CEP162: variants seen among roughly 807,000 people sequenced by gnomAD.
The protein encoded by CEP162 is centrosomal protein 162.
In CEP162, 141 loss-of-function variants were observed where a neutral mutation model predicts 169.2. That is an observed-to-expected ratio of 0.83 (90% CI 0.73 to 0.96). The LOEUF is 0.96. Among genes scored for constraint, CEP162 ranks in the 40% least tolerant of loss-of-function variants. CEP162 has a pLI of 0.00. For missense variants in CEP162, 1,600 were observed against 1,587.2 expected (o/e 1.01, Z -0.14); for synonymous variants, 540 against 526.4 (o/e 1.03, Z -0.35).
At chr6:84,212,039 G>GA (rs144840389) in intron 6 of CEP162, among the ~76,000 whole-genome samples, 6,460 of 148,492 alleles carry the variant, frequency 0.044, 501 homozygotes, top group African/African-American at 0.15. Flanking sequence ...CTGCCCGAAG[G>GA]AAAAAAAAAC....
chr6:84,179,476 T>C (rs1466019664), intron 13 of CEP162, among the ~76,000 whole-genome samples: 1 of 152,188 alleles, frequency 6.6e-6, no homozygotes, highest in Admixed American at 6.5e-5. Flanking sequence ...GAAGTGTCTG[T>C]TCATATCCTT....
chr6:84,175,501 A>G (rs1377986426), intron 13 of CEP162, among the ~76,000 whole-genome samples, 154 bp from the exon 14 acceptor site: 2 of 152,236 alleles, frequency 1.3e-5, no homozygotes, highest in Non-Finnish European at 2.9e-5. Flanking sequence ...CTGTTTCACT[A>G]TAACTGATTG....
intron 25 of CEP162, among the ~76,000 whole-genome samples, chr6:84,142,658 C>T (rs2099517152): frequency 6.6e-6 from 1 of 152,092 alleles, no homozygotes; most frequent in Admixed American, 6.6e-5. Flanking sequence ...TCAGAGTTGT[C>T]AACAGTAAGT....
rs116472426 is a variant in CEP162 at position 84,198,085 on chromosome 6, C to T, written c.835+2704G>A. Among the ~76,000 whole-genome samples the T allele has an allele frequency of 3.4e-3, 519 of 152,066 alleles. 3 individuals carry two copies. Among genetic ancestry groups the T allele is most frequent in the African/African-American group, 0.011 (477 of 41,500 alleles). On this transcript the variant is annotated intron_variant, in intron 9 of 26. Transcript: ENST00000403245. ...CACAAATAATTTCATAAATAATATT[C>T]TTAACAAAAGAGAATCTTTGACAAT...
intron 7 of CEP162, among the ~76,000 whole-genome samples, chr6:84,203,470 G>A (rs749076784): frequency 4.6e-5 from 7 of 152,078 alleles, no homozygotes; most frequent in Non-Finnish European, 7.4e-5. Context: ...GTTTGAGACA[G>A]GGTCTCACTC....
chr6:84,204,665 A>G (rs2099546003), intron 6 of CEP162, among the ~76,000 whole-genome samples: 1 of 152,226 alleles, frequency 6.6e-6, no homozygotes, highest in Non-Finnish European at 1.5e-5. Context: ...CACAATTAAA[A>G]GAACTAGAGA....
intron 21 of CEP162, among the ~76,000 whole-genome samples, chr6:84,160,571 G>T (rs995504345): frequency 3.3e-5 from 5 of 151,984 alleles, no homozygotes; most frequent in Non-Finnish European, 5.9e-5. Flanking sequence ...ATAGAGCTAG[G>T]GTACCAAATA....
intron 25 of CEP162, among the ~76,000 whole-genome samples, chr6:84,142,438 T>C (rs893422823): frequency 2.0e-5 from 3 of 152,200 alleles, no homozygotes; most frequent in Admixed American, 6.5e-5. Flanking sequence ...ACATTTTTTT[T>C]CTACCTTTGG....
chr6:84,215,494 T>C, intron 4 of CEP162, 29 bp from the exon 5 acceptor site: 2 of 1,467,480 alleles, frequency 1.4e-6, no homozygotes. Context: ...TATATTTTAG[T>C]AATATACAGA....
At chr6:84,134,577 C>A (rs62449279) in intron 25 of CEP162, among the ~76,000 whole-genome samples, 1 of 152,124 alleles carries the variant, frequency 6.6e-6, no homozygotes, top group Non-Finnish European at 1.5e-5. Flanking sequence ...CAGTCCCTCA[C>A]GGCTTCCCTT....
chr6:84,129,533 G>GT (rs1209066570), intron 25 of CEP162, among the ~76,000 whole-genome samples: 3 of 151,702 alleles, frequency 2.0e-5, no homozygotes, highest in Admixed American at 6.6e-5. Flanking sequence ...TGATGGGGAT[G>GT]TTTTTTTTCT....
chr6:84,186,575 T>C lies in CEP162; in HGVS notation c.1158A>G (p.Leu386=). Reference sequence around the variant, plus strand: ...AAATATTTGGGTTCATCTTCAGGGGTAAAGAGCTAAAAAATTCAGTTTCTT... The same window carrying C: ...AAATATTTGGGTTCATCTTCAGGGGCAAAGAGCTAAAAAATTCAGTTTCTT... ...ERKETEFFSS[L]PLKMNPNILS... is the part of the protein sequence containing the mutation. Residue 386 remains leucine, a synonymous_variant, in exon 12 of 27, where the codon TTA becomes TTG. Transcript: ENST00000403245. 6.2e-7 allele frequency: 1 copy of C among 1,609,270 alleles called. No homozygotes were observed. The highest frequency in any genetic ancestry group is 8.5e-7 in the Non-Finnish European group (1 of 1,177,912).
rs770228079 is a variant in CEP162 at position 84,215,412 on chromosome 6, A to G, written c.373T>C (p.Leu125=). 46 of 1,611,252 alleles carry G rather than the reference A, an allele frequency of 2.9e-5. No individual in the cohort carries two copies. Among genetic ancestry groups the G allele is most frequent in the Non-Finnish European group, 3.6e-5 (43 of 1,178,582 alleles). ...HSSLGVGLDT[L]EEQEEKEQFF... is the part of the protein sequence containing the mutation. ...TGTTCTTTCTCCTCTTGTTCTTCTA[A>G]TGTGTCCAATCCCACTCCGAGACTA... Residue 125 remains leucine (L), a synonymous_variant, in exon 5 of 27, where the codon TTA becomes CTA. Transcript: ENST00000403245.
intron 25 of CEP162, among the ~76,000 whole-genome samples, chr6:84,129,880 A>G (rs898253821): frequency 3.3e-5 from 5 of 152,138 alleles, no homozygotes; most frequent in African/African-American, 1.2e-4. Flanking sequence ...TTCTGGCCAG[A>G]ACTTCCATTA....
At chr6:84,205,016 T>C (rs938821005) in intron 6 of CEP162, among the ~76,000 whole-genome samples, 1 of 152,096 alleles carries the variant, frequency 6.6e-6, no homozygotes, top group Non-Finnish European at 1.5e-5. Flanking sequence ...CTCCCAAGAC[T>C]AAACCAGGAA....
chr6:84,152,440 T>C (rs2099521473), intron 23 of CEP162, 105 bp downstream of exon 23: 1 of 576,754 alleles, frequency 1.7e-6, no homozygotes, highest in Admixed American at 3.7e-5. Context: ...CACTTATGAA[T>C]TCAGTTCGGG....
intron 25 of CEP162, among the ~76,000 whole-genome samples, chr6:84,138,853 G>A (rs571595713): frequency 5.9e-4 from 90 of 152,208 alleles, no homozygotes; most frequent in African/African-American, 2.2e-3. Flanking sequence ...AAAGTTTTAT[G>A]TACATCTTAA....
chr6:84,149,592 A>G lies in CEP162; in HGVS notation c.3741T>C (p.Ala1247=). ...NAVENSSSKV[A]ELNRKIATQE... ...GAGTTGCTATTTTACGATTTAGTTCAGCTACTTTGGAAGAAGAATTTTCTA... is the reference window on the plus strand; with the variant it reads ...GAGTTGCTATTTTACGATTTAGTTCGGCTACTTTGGAAGAAGAATTTTCTA... Residue 1247 remains alanine (A), a synonymous_variant, in exon 24 of 27, where the codon GCT becomes GCC. Coordinates refer to ENST00000403245, the MANE Select transcript of CEP162 (RefSeq NM_014895.4). 1 of 1,601,838 alleles carries G rather than the reference A, an allele frequency of 6.2e-7. No individual in the cohort carries two copies. The highest frequency in any genetic ancestry group is 8.5e-7 in the Non-Finnish European group (1 of 1,174,168).
Position 84,195,815 on chromosome 6 carries a change from G to C in CEP162, c.836-740C>G, listed in dbSNP as rs73750541. Reference sequence around the variant, plus strand: ...CTCTCACTTACTAGTTTTTTGGCCTGGCTAACTTCATGAAGACTTTTAGCT... The same window carrying C: ...CTCTCACTTACTAGTTTTTTGGCCTCGCTAACTTCATGAAGACTTTTAGCT... On this transcript the variant is annotated intron_variant, in intron 9 of 26. Transcript: ENST00000403245. 3.1e-3 allele frequency among the ~76,000 whole-genome samples: 467 copies of C among 152,140 alleles called. 1 individual carries two copies. Among genetic ancestry groups the C allele is most frequent in the African/African-American group, 0.011 (449 of 41,486 alleles).
Sources: gnomAD v4.1 joint callset for allele counts (sites outside exome capture counted in the v4.1 genomes callset) on GRCh38, gnomAD v4.1.1 for gene constraint, MANE v1.5 for transcripts, NCBI Gene and HGNC (gene_info 2026-07-23, HGNC 2026-07-21) for gene names.